Variants in USP31 observed in about 807,000 individuals in gnomAD.
USP31 encodes the protein ubiquitin carboxyl-terminal hydrolase 31.
Under a neutral mutation model 119.4 loss-of-function variants are expected in USP31, and 44 were observed. That is an observed-to-expected ratio of 0.37 (90% CI 0.29 to 0.47). The LOEUF is 0.47. Ranked by LOEUF, USP31 falls within the 20% of genes least tolerant of loss-of-function variation. The pLI is 0.99. For missense variants in USP31, 1,643 were observed against 1,730.2 expected, an observed-to-expected ratio of 0.95 and a Z score of 0.89; for synonymous variants, 749 against 705.6, an observed-to-expected ratio of 1.06 and a Z score of -0.97.
intron 6 of USP31, among the ~76,000 whole-genome samples, chr16:23,094,586 C>T (rs1431001746): frequency 1.3e-5 from 2 of 152,182 alleles, no homozygotes; most frequent in African/African-American, 2.4e-5. Context: ...CTGGGAGACA[C>T]CTCCCAGTAG....
At chr16:23,075,472 A>G (rs1051619511) in intron 13 of USP31, among the ~76,000 whole-genome samples, 2 of 152,216 alleles carry the variant, frequency 1.3e-5, no homozygotes, top group Non-Finnish European at 2.9e-5. Context: ...TTCTTCCTAG[A>G]ACTACTTTCT....
In USP31 at chr16:23,148,948, G is replaced by T. The variant is rs1294638893; in HGVS notation, c.323C>A (p.Pro108Gln). 5.8e-5 allele frequency: 61 copies of T among 1,060,342 alleles called. No homozygotes were observed. Among genetic ancestry groups the T allele is most frequent in the Non-Finnish European group, 6.6e-5 (58 of 876,558 alleles). The allele number at this position is 1,060,342 out of a possible 1,614,324, so 65.7% of individuals were successfully genotyped here. ...CGGCGCGGGAGAGGCGGGCGGCGGC[G>T]GGCACGGCGGCGGCGTGGGCGCGGC... ...PAAAPTPPPC[P>Q]PPPASPAPPA... Residue 108 changes from proline to glutamine, a missense_variant, in exon 1 of 16, where the codon CCG becomes CAG. By Grantham distance (76) the Pro-to-Gln change is moderately conservative. Transcript: ENST00000219689.
At chr16:23,132,535 T>C (rs1903061246) in intron 1 of USP31, among the ~76,000 whole-genome samples, 1 of 152,116 alleles carries the variant, frequency 6.6e-6, no homozygotes, top group Admixed American at 6.6e-5. Context: ...CTAAAAACTT[T>C]AAGTCACACA....
chr16:23,086,425 A>G (rs902839098), intron 9 of USP31, among the ~76,000 whole-genome samples: 1 of 152,158 alleles, frequency 6.6e-6, no homozygotes, highest in Non-Finnish European at 1.5e-5. Flanking sequence ...ATATTATTTT[A>G]TTAATACAAT....
Position 23,105,586 on chromosome 16 carries a change from T to C in USP31, c.954-10A>G. 1 of 1,556,776 alleles carries C rather than the reference T, an allele frequency of 6.4e-7. No individual in the cohort carries two copies. Among genetic ancestry groups the C allele is most frequent in the Non-Finnish European group, 8.7e-7 (1 of 1,152,254 alleles). On this transcript the variant is annotated splice_polypyrimidine_tract_variant and intron_variant, in intron 4 of 15. Transcript: ENST00000219689. ...AGTGACATAGAGAGGCCTGTACAGA[T>C]CAAAGTCAGATCTTCTCATTAGTCA... is the stretch of plus-strand genomic sequence containing the variant.
intron 1 of USP31, among the ~76,000 whole-genome samples, chr16:23,142,053 C>G (rs1380488603): frequency 6.6e-6 from 1 of 152,216 alleles, no homozygotes; most frequent in African/African-American, 2.4e-5. Context: ...AGTCCTATAA[C>G]CTTTGTACTT....
intron 6 of USP31, among the ~76,000 whole-genome samples, chr16:23,095,265 A>G (rs1901551443): frequency 1.3e-5 from 2 of 152,236 alleles, no homozygotes; most frequent in Non-Finnish European, 2.9e-5. Flanking sequence ...AGCTCAAATT[A>G]ATGAAATAAA....
chr16:23,086,389 CATAG>C (rs1422489597), intron 9 of USP31, among the ~76,000 whole-genome samples: 1 of 151,092 alleles, frequency 6.6e-6, no homozygotes, highest in Non-Finnish European at 1.5e-5. Flanking sequence ...ATTATATATT[CATAG>C]ATACATAGTG....
chr16:23,128,241 G>A (rs1363731483), intron 1 of USP31, among the ~76,000 whole-genome samples: 1 of 152,124 alleles, frequency 6.6e-6, no homozygotes. Flanking sequence ...TCCAGTATCT[G>A]GAAATGACTA....
chr16:23,146,116 C>A (rs1903494878), intron 1 of USP31, among the ~76,000 whole-genome samples: 3 of 151,876 alleles, frequency 2.0e-5, no homozygotes, highest in African/African-American at 7.3e-5. Context: ...GCTGTAGAAA[C>A]TGATTTTCAC....
At chr16:23,107,157 T>C (rs1477583177) in intron 2 of USP31, among the ~76,000 whole-genome samples, 1 of 152,010 alleles carries the variant, frequency 6.6e-6, no homozygotes, top group African/African-American at 2.4e-5. Flanking sequence ...CTAAATTCCC[T>C]AGTACCTATT....
intron 5 of USP31, among the ~76,000 whole-genome samples, 181 bp downstream of exon 5, chr16:23,105,260 A>G (rs1902047948): frequency 6.6e-6 from 1 of 152,236 alleles, no homozygotes; most frequent in South Asian, 2.1e-4. Context: ...TAAATGAAAC[A>G]TGAAAAGTTT....
chr16:23,124,100 G>T (rs1293635029), intron 1 of USP31, among the ~76,000 whole-genome samples: 1 of 152,160 alleles, frequency 6.6e-6, no homozygotes, highest in East Asian at 1.9e-4. Context: ...AGGGAGCAAT[G>T]AAAGGAAATA....
chr16:23,108,271 A>T, intron 1 of USP31, 88 bp from the exon 2 acceptor site: 1 of 1,508,836 alleles, frequency 6.6e-7, no homozygotes, highest in Non-Finnish European at 8.9e-7. Context: ...AAGGGATGCA[A>T]GATCTCAAGG....
chr16:23,093,371 G>T (rs79753605), intron 6 of USP31, among the ~76,000 whole-genome samples: 1 of 152,034 alleles, frequency 6.6e-6, no homozygotes, highest in African/African-American at 2.4e-5. Flanking sequence ...ATGGGAAAAA[G>T]GCTTGAATAG....
intron 1 of USP31, among the ~76,000 whole-genome samples, chr16:23,126,433 G>T (rs1469860587): frequency 1.3e-5 from 2 of 150,678 alleles, no homozygotes; most frequent in Non-Finnish European, 3.0e-5. Context: ...GACCATCCTG[G>T]CTAACATGGT....
chr16:23,112,854 T>C (rs1018879374), intron 1 of USP31, among the ~76,000 whole-genome samples: 33 of 151,334 alleles, frequency 2.2e-4, no homozygotes, highest in Non-Finnish European at 4.4e-4. Context: ...CATGGAGAAA[T>C]CCCGTCTCTA....
chr16:23,101,085 GCATGTAA>G lies in USP31; in HGVS notation c.1234+1227_1234+1233del, dbSNP rs1202377688. 2.0e-5 allele frequency among the ~76,000 whole-genome samples: 3 copies of G among 152,310 alleles called. No homozygotes were observed. The East Asian group carries it at 5.8e-4, about 29-fold the overall frequency. On this transcript the variant is annotated intron_variant, in intron 6 of 15. Coordinates refer to ENST00000219689, the MANE Select transcript of USP31 (RefSeq NM_020718.4). ...AAGGGGAACCACTGGTAAATCAATA[GCATGTAA>G]CATGATCAGAACTGTGTATTAGAAT...
chr16:23,130,112 CCT>C (rs1360894828), intron 1 of USP31, among the ~76,000 whole-genome samples: 1 of 152,174 alleles, frequency 6.6e-6, no homozygotes, highest in African/African-American at 2.4e-5. Flanking sequence ...CAGCTCTTTC[CCT>C]GTGTTCCTCT....
Sources: gnomAD v4.1 joint callset for allele counts (sites outside exome capture counted in the v4.1 genomes callset) on GRCh38, gnomAD v4.1.1 for gene constraint, MANE v1.5 for transcripts, NCBI Gene and HGNC (gene_info 2026-07-23, HGNC 2026-07-21) for gene names.